Variants in POU6F1 observed in about 807,000 individuals in gnomAD.
POU6F1 encodes POU domain, class 6, transcription factor 1.
POU6F1 carries 9 observed loss-of-function variants against 28.9 expected under a neutral mutation model. That is an observed-to-expected ratio of 0.31 (90% CI 0.19 to 0.54). The LOEUF is 0.54. POU6F1 is among the 20% of genes least tolerant of loss of function. The pLI is 0.94. For synonymous variants in POU6F1, 173 were observed against 171.1 expected (o/e 1.01, Z -0.09); for missense variants, 338 against 426.1 (o/e 0.79, Z 1.82).
At chr12:51,202,294 ATAAT>A (rs1385483215) in intron 3 of POU6F1, 2 of 152,136 alleles carry the variant, frequency 1.3e-5, no homozygotes, top group East Asian at 1.9e-4. Flanking sequence ...TCCTATGTTA[ATAAT>A]TAATTTCCCT....
intron 2 of POU6F1, among the ~76,000 whole-genome samples, chr12:51,206,199 A>G (rs1334841311): frequency 2.0e-5 from 3 of 150,538 alleles, no homozygotes; most frequent in African/African-American, 7.3e-5. Context: ...CGAGGTGGGC[A>G]GATCACGAGG....
chr12:51,192,097 A>C (rs1942456302), intron 9 of POU6F1, among the ~76,000 whole-genome samples: 1 of 149,764 alleles, frequency 6.7e-6, no homozygotes, highest in South Asian at 2.1e-4. Context: ...GAGACAGCCC[A>C]TGGCTCGGCC....
chr12:51,197,816 G>T lies in POU6F1; in HGVS notation c.800C>A (p.Pro267Gln), dbSNP rs984601864. 1.0e-4 allele frequency: 42 copies of T among 400,840 alleles called. No homozygotes were observed. The highest frequency in any genetic ancestry group is 1.6e-4 in the Non-Finnish European group (36 of 227,254). 24.8% of individuals were successfully genotyped at this position (400,840 alleles called of 1,614,324 possible). A position where few individuals can be genotyped will look rare whatever the true frequency, so the allele number is the denominator to read the frequency against. Residue 267 changes from proline to glutamine, a missense_variant, in exon 6 of 11, where the codon CCA becomes CAA. Physicochemically the swap from Pro to Gln is moderately conservative, Grantham distance 76. Transcript: ENST00000333640. ...GCCTGCAGGCTGGACGGTGATCTGT[G>T]GGGGGGTGTCCACTGGCTTGGGGGT... ...APTPKPVDTP[P>Q]QITVQPAGFA...
Position 51,190,152 on chromosome 12 carries a change from C to A in POU6F1, c.*95G>T. ...ATGACCTGGGGTGAGCACAGCTGCACGTGGCAAAATGACAGGTGCTGTCAT... is the reference window on the plus strand; with the variant it reads ...ATGACCTGGGGTGAGCACAGCTGCAAGTGGCAAAATGACAGGTGCTGTCAT... On this transcript the variant is annotated 3_prime_UTR_variant, in exon 11 of 11. Coordinates refer to ENST00000333640, the MANE Select transcript of POU6F1 (RefSeq NM_001330422.2). The surrounding 1 kb of genome is among the most constrained non-coding windows in gnomAD (Gnocchi z 4.5). 12 of 1,508,604 alleles carry A rather than the reference C, an allele frequency of 8.0e-6. No individual in the cohort carries two copies. The highest frequency in any genetic ancestry group is 1.1e-5 in the Non-Finnish European group (12 of 1,131,076). The allele number at this position is 1,508,604 out of a possible 1,614,324, so 93.5% of individuals were successfully genotyped here.
intron 1 of POU6F1, among the ~76,000 whole-genome samples, chr12:51,209,674 T>A (rs1267245293): frequency 6.6e-6 from 1 of 152,128 alleles, no homozygotes; most frequent in Non-Finnish European, 1.5e-5. Flanking sequence ...ACCCCTGGGG[T>A]TTTAGCATCT....
rs778737916 is a variant in POU6F1 at position 51,190,202 on chromosome 12, C to T, written c.*45G>A. ...TGGCAGTGGCTGCAGCCGGATGCCA[C>T]GGGAAATGGACAAAGTGCTAGAACA... On this transcript the variant is annotated 3_prime_UTR_variant, in exon 11 of 11. Transcript: ENST00000333640. The surrounding 1 kb of genome is among the most constrained non-coding windows in gnomAD (Gnocchi z 4.5). 89 of 1,591,076 alleles carry T rather than the reference C, an allele frequency of 5.6e-5. No homozygotes were observed. Among genetic ancestry groups the T allele is most frequent in the Middle Eastern group, 1.9e-4 (1 of 5,214 alleles).
intron 5 of POU6F1, chr12:51,198,298 G>A (rs1168976313): frequency 1.0e-5 from 4 of 396,508 alleles, no homozygotes; most frequent in East Asian, 7.2e-5. Context: ...GAGTTCTGGC[G>A]TGGGGGGAGA....
At position 51,196,160 on chromosome 12, in the gene POU6F1, A is replaced by T; in HGVS notation, c.989T>A (p.Leu330His). Reference sequence around the variant, plus strand: ...ACTAGCTGAGTTCACTACCCATGGAAGGGTTCCAATAACCTGGGAGGAAAT... The same window carrying T: ...ACTAGCTGAGTTCACTACCCATGGATGGGTTCCAATAACCTGGGAGGAAAT... ...TNAQGQVIGT[L>H]PWVVNSASVA... Residue 330 changes from leucine to histidine, a missense_variant, in exon 8 of 11, where the codon CTT becomes CAT. Leu to His is a moderately conservative substitution (Grantham distance 99). Coordinates refer to ENST00000333640, the MANE Select transcript of POU6F1 (RefSeq NM_001330422.2). 1 of 1,525,364 alleles carries T rather than the reference A, an allele frequency of 6.6e-7. No individual in the cohort carries two copies. Among genetic ancestry groups the T allele is most frequent in the Non-Finnish European group, 8.8e-7 (1 of 1,139,072 alleles). The allele number at this position is 1,525,364 out of a possible 1,614,324, so 94.5% of individuals were successfully genotyped here. A position where few individuals can be genotyped will look rare whatever the true frequency, so the allele number is the denominator to read the frequency against.
At chr12:51,198,918 G>A (rs1406224492) in intron 4 of POU6F1, 143 bp from the exon 5 acceptor site, 5 of 396,128 alleles carry the variant, frequency 1.3e-5, no homozygotes, top group Middle Eastern at 6.2e-4. Context: ...TGAGGATGGG[G>A]AAGAGCCAAA....
intron 1 of POU6F1, among the ~76,000 whole-genome samples, chr12:51,210,243 C>T (rs1164929885): frequency 6.6e-6 from 1 of 152,146 alleles, no homozygotes; most frequent in Non-Finnish European, 1.5e-5. Context: ...TGGCAATTTA[C>T]CATCACTTCT....
At chr12:51,205,692 A>G (rs1943549843) in intron 2 of POU6F1, among the ~76,000 whole-genome samples, 1 of 152,138 alleles carries the variant, frequency 6.6e-6, no homozygotes, top group African/African-American at 2.4e-5. Flanking sequence ...TGACGATGTG[A>G]CCCATCAGCA....
intron 2 of POU6F1, 122 bp from the exon 3 acceptor site, chr12:51,204,490 A>T: frequency 2.5e-6 from 1 of 397,120 alleles, no homozygotes; most frequent in Non-Finnish European, 4.4e-6. Context: ...TCCTGTCCAG[A>T]GGGCTGTGTG....
At chr12:51,201,531 A>T (rs1462934907) in intron 3 of POU6F1, among the ~76,000 whole-genome samples, 1 of 88,378 alleles carries the variant, frequency 1.1e-5, no homozygotes, top group Non-Finnish European at 2.7e-5. Context: ...AATAAAAATG[A>T]GTTAAAAAAA....
chr12:51,211,248 G>A (rs888800610), intron 1 of POU6F1, among the ~76,000 whole-genome samples: 5 of 152,226 alleles, frequency 3.3e-5, no homozygotes, highest in African/African-American at 9.6e-5. Flanking sequence ...CCCAGCAGTA[G>A]AATCCCAATA....
Position 51,190,441 on chromosome 12 carries a change from G to A in POU6F1, c.1642C>T (p.Arg548Cys), listed in dbSNP as rs781045016. The A allele has an allele frequency of 8.7e-6, 14 of 1,613,998 alleles. No individual in the cohort carries two copies. The highest frequency in any genetic ancestry group is 1.1e-5 in the South Asian group (1 of 91,078). Residue 548 changes from arginine (R) to cysteine (C), a missense_variant, in exon 11 of 11, where the codon CGC (arginine) becomes TGC (cysteine). By Grantham distance (180) the Arg-to-Cys change is radical. Coordinates refer to ENST00000333640, the MANE Select transcript of POU6F1 (RefSeq NM_001330422.2). The surrounding 1 kb of genome is among the most constrained non-coding windows in gnomAD (Gnocchi z 4.5). ...ATGGCCTGGGGGGTGAAGGAGGTGC[G>A]GCGTTTGCGTTTCTTGGAGGGCTCG... ...GGEPSKKRKR[R>C]TSFTPQAIEA...
At chr12:51,196,256 G>C in intron 7 of POU6F1, 83 bp from the exon 8 acceptor site, 2 of 1,193,764 alleles carry the variant, frequency 1.7e-6, no homozygotes, top group Non-Finnish European at 2.3e-6. Flanking sequence ...ACCACCAGGG[G>C]AACAGACTAA....
Position 51,190,199 on chromosome 12 carries a change from C to T in POU6F1, c.*48G>A, listed in dbSNP as rs201594593. 7.8e-5 allele frequency: 124 copies of T among 1,587,470 alleles called. No homozygotes were observed. Among genetic ancestry groups the T allele is most frequent in the Non-Finnish European group, 9.9e-5 (115 of 1,166,212 alleles). ...TCATGGCAGTGGCTGCAGCCGGATG[C>T]CACGGGAAATGGACAAAGTGCTAGA... On this transcript the variant is annotated 3_prime_UTR_variant, in exon 11 of 11. Transcript: ENST00000333640. The surrounding 1 kb of genome is among the most constrained non-coding windows in gnomAD (Gnocchi z 4.5).
chr12:51,189,935 G>T lies in POU6F1; in HGVS notation c.*312C>A, dbSNP rs1942278039. 5.5e-6 allele frequency: 2 copies of T among 363,612 alleles called. No individual in the cohort carries two copies. The highest frequency in any genetic ancestry group is 4.1e-5 in the Admixed American group (1 of 24,660). The allele number at this position is 363,612 out of a possible 1,614,324, so 22.5% of individuals were successfully genotyped here. A position where few individuals can be genotyped will look rare whatever the true frequency, so the allele number is the denominator to read the frequency against. On this transcript the variant is annotated 3_prime_UTR_variant, in exon 11 of 11. Transcript: ENST00000333640. ...CTGCCCCAAAGACAGGGAGTTTCTG[G>T]TTCCCCACCAGAATTCACCCTTCAG...
intron 3 of POU6F1, among the ~76,000 whole-genome samples, chr12:51,202,961 A>G (rs946449553): frequency 7.9e-5 from 12 of 152,178 alleles, no homozygotes; most frequent in African/African-American, 2.4e-5. Flanking sequence ...TTTTAAAAAC[A>G]GGAAACCCTT....
Sources: allele counts gnomAD v4.1 joint callset (sites outside exome capture counted in the v4.1 genomes callset), GRCh38; gene constraint gnomAD v4.1.1; non-coding constraint Gnocchi (gnomAD v3.1); transcripts MANE v1.5; gene names NCBI Gene and HGNC (gene_info 2026-07-23, HGNC 2026-07-21).